Variants in EVC observed in about 807,000 individuals in gnomAD.
EVC encodes the protein EvC ciliary complex subunit 1, also known as evC complex member EVC.
In EVC, 116 loss-of-function variants were observed where a neutral mutation model predicts 118.9. The ratio of observed to expected loss-of-function variants is 0.98; its 90% CI spans 0.84 to 1.14. The LOEUF is 1.14. Ranked by LOEUF, EVC falls within the 50% of genes most tolerant of loss-of-function variation. The probability of loss-of-function intolerance (pLI) is 0.00; values close to 1 mark genes in which losing one functional copy is unlikely to be tolerated. For synonymous variants in EVC, 619 were observed against 534.7 expected (o/e 1.16, Z -2.18); for missense variants, 1,401 against 1,246.4 (o/e 1.12, Z -1.87).
chr4:5,786,359 T>C (rs1448400496), intron 12 of EVC, among the ~76,000 whole-genome samples: 1 of 152,214 alleles, frequency 6.6e-6, no homozygotes, highest in Non-Finnish European at 1.5e-5. Context: ...GCAAATAGAC[T>C]ATGCTCAGCT....
chr4:5,771,011 C>CA (rs10699296), intron 11 of EVC, among the ~76,000 whole-genome samples: 6,100 of 143,664 alleles, frequency 0.042, 389 homozygotes, highest in African/African-American at 0.14. Flanking sequence ...GACTTCATTT[C>CA]AAAAAAAAAA....
In EVC at chr4:5,731,547, G is replaced by T. The variant is rs560865556; in HGVS notation, c.507G>T (p.Lys169Asn). 6.2e-7 allele frequency: 1 copy of T among 1,614,108 alleles called. No individual in the cohort carries two copies. The highest frequency in any genetic ancestry group is 1.7e-5 in the Admixed American group (1 of 60,018). ...TGGGGAGCCTGAGCCAGGGTGAGAA[G>T]GACGACTGCAGCTCCTCATCCAGCG... is the stretch of plus-strand genomic sequence containing the variant. ...SSLGSLSQGE[K>N]DDCSSSSSVH... The change falls in exon 4 of 21, where the codon AAG becomes AAT. Residue 169 changes from lysine to asparagine, a missense_variant. Physicochemically the swap from Lys to Asn is moderately conservative, Grantham distance 94. Transcript: ENST00000264956. This position sits in a 1 kb window ranked among gnomAD's most constrained non-coding sequence, Gnocchi z 5.6.
At chr4:5,786,871 CAAAAAA>C (rs375303542) in intron 12 of EVC, among the ~76,000 whole-genome samples, 1 of 95,202 alleles carries the variant, frequency 1.1e-5, no homozygotes, top group African/African-American at 4.4e-5. Flanking sequence ...GACTCCGTCT[CAAAAAA>C]AAAAAAAAAA....
intron 4 of EVC, 49 bp from the exon 5 acceptor site, chr4:5,733,302 C>T: frequency 2.0e-6 from 3 of 1,504,422 alleles, no homozygotes; most frequent in Non-Finnish European, 2.8e-6. Flanking sequence ...TCTTACTCTT[C>T]ATTTCCGATA....
In EVC at chr4:5,808,304, GC is replaced by G. The variant is rs1553895755; in HGVS notation, c.2668del (p.Gln890SerfsTer38). The G allele has an allele frequency of 1.2e-6, 2 of 1,614,208 alleles. No homozygotes were observed. On this transcript the variant is annotated frameshift_variant, in exon 18 of 21. Transcript: ENST00000264956. LOFTEE classifies it high-confidence loss of function. ...QQAGVMDLLE[A>X]QLETQLQEAE... Reference sequence around the variant, plus strand: ...GGCAGGAGTCATGGACCTTCTGGAAGCCCAGCTGGAGACCCAGCTACAGGTA... The same window carrying G: ...GGCAGGAGTCATGGACCTTCTGGAAGCCAGCTGGAGACCCAGCTACAGGTA...
At chr4:5,757,150 CTG>C (rs1456066327) in intron 11 of EVC, among the ~76,000 whole-genome samples, 1 of 152,198 alleles carries the variant, frequency 6.6e-6, no homozygotes, top group Non-Finnish European at 1.5e-5. Context: ...GCTAGGAGGA[CTG>C]TGTTTGGGGA....
chr4:5,731,255 T>A lies in EVC; in HGVS notation c.385-170T>A, dbSNP rs28718969. On this transcript the variant is annotated intron_variant, in intron 3 of 20. Coordinates refer to ENST00000264956, the MANE Select transcript of EVC (RefSeq NM_153717.3). The surrounding 1 kb of genome is among the most constrained non-coding windows in gnomAD (Gnocchi z 5.6). The stretch of plus-strand genomic sequence containing the variant: ...GATTCGGGCCTCTGGGCTGTCGATG[T>A]GGCAGAACCTGGGACGGAAACTCTG... Among the ~76,000 whole-genome samples the A allele has an allele frequency of 0.055, 8,302 of 152,020 alleles. 251 individuals are homozygous for A. The highest frequency in any genetic ancestry group is 0.11 in the East Asian group (585 of 5,160).
rs112090501 is a variant in EVC, at chr4:5,738,841, C to G, written c.703-2875C>G. ...TCCGCCTCCCAAAGTGCTGGGATTA[C>G]GGGTGTGAGCCACCGCACCCAGCCC... On this transcript the variant is annotated intron_variant, in intron 5 of 20. Coordinates refer to ENST00000264956, the MANE Select transcript of EVC (RefSeq NM_153717.3). The surrounding 1 kb of genome is among the most constrained non-coding windows in gnomAD (Gnocchi z 6.5). 3.9e-5 allele frequency among the ~76,000 whole-genome samples: 6 copies of G among 151,944 alleles called. No individual in the cohort carries two copies. The highest frequency in any genetic ancestry group is 8.8e-5 in the Non-Finnish European group (6 of 67,984).
At chr4:5,720,074 C>A (rs1383179) in intron 2 of EVC, among the ~76,000 whole-genome samples, 30,889 of 152,122 alleles carry the variant, frequency 0.2, 4,146 homozygotes, top group African/African-American at 0.38. Flanking sequence ...TGGAACCCTT[C>A]CTCTATCCAC....
chr4:5,808,537 C>T lies in EVC; in HGVS notation c.2688+210C>T, dbSNP rs569425146. ...AGGGCAAGTGTGGCCTGTGTGGATC[C>T]CTACAGCAGCTGCAGCATGCTAAGC... On this transcript the variant is annotated intron_variant, in intron 18 of 20. Transcript: ENST00000264956. 2.2e-4 allele frequency among the ~76,000 whole-genome samples: 33 copies of T among 152,128 alleles called. No individual in the cohort carries two copies. The East Asian group carries it at 6.0e-3, about 28-fold the overall frequency.
At chr4:5,773,098 G>A (rs1016416926) in intron 11 of EVC, among the ~76,000 whole-genome samples, 1 of 152,194 alleles carries the variant, frequency 6.6e-6, no homozygotes, top group Non-Finnish European at 1.5e-5. Flanking sequence ...CTGGCACAGG[G>A]CCTTGCCTGC....
chr4:5,769,466 T>C (rs991538601), intron 11 of EVC, among the ~76,000 whole-genome samples: 2 of 134,234 alleles, frequency 1.5e-5, no homozygotes, highest in South Asian at 2.2e-4. Context: ...AAAGTGCATT[T>C]TTCTGAATCC....
At chr4:5,788,385 A>G (rs1242099277) in intron 12 of EVC, among the ~76,000 whole-genome samples, 1 of 152,166 alleles carries the variant, frequency 6.6e-6, no homozygotes, top group Non-Finnish European at 1.5e-5. Flanking sequence ...CTCAGGTTTC[A>G]GTTCCTCAAG....
chr4:5,822,893 G>A, the EVC span, among the ~76,000 whole-genome samples: 2 of 152,124 alleles, frequency 1.3e-5, no homozygotes, highest in African/African-American at 4.8e-5. Context: ...AGCCCTCTTC[G>A]GCACACAGCA....
the EVC span, chr4:5,824,477 C>A: frequency 2.0e-6 from 2 of 985,186 alleles, no homozygotes; most frequent in Non-Finnish European, 1.2e-6. Flanking sequence ...TGAATTCACA[C>A]GTCATCCTCT....
chr4:5,733,553 C>G (rs183027162), intron 5 of EVC, 118 bp downstream of exon 5: 247 of 918,554 alleles, frequency 2.7e-4, no homozygotes, highest in Middle Eastern at 1.8e-3. Context: ...GAAACAGAGC[C>G]GCTGTGAGGT....
At chr4:5,769,542 G>C (rs191385849) in intron 11 of EVC, among the ~76,000 whole-genome samples, 1 of 152,146 alleles carries the variant, frequency 6.6e-6, no homozygotes, top group Non-Finnish European at 1.5e-5. Context: ...GTGCGATCGC[G>C]TGAGCTCTGT....
chr4:5,784,502 C>T (rs1374236405), intron 12 of EVC, among the ~76,000 whole-genome samples: 1 of 152,096 alleles, frequency 6.6e-6, no homozygotes, highest in African/African-American at 2.4e-5. Context: ...CCCATTTCAG[C>T]CTTCTGGCCT....
rs1729389715 is a variant in EVC at position 5,746,613 on chromosome 4, G to T, written c.939+1272G>T. ...GCCAGGATGCTAAGGAAGAGGGCCAGCCTGGATTCCGGTGGTCCACAGAAC... is the reference window on the plus strand; with the variant it reads ...GCCAGGATGCTAAGGAAGAGGGCCATCCTGGATTCCGGTGGTCCACAGAAC... On this transcript the variant is annotated intron_variant, in intron 7 of 20. Coordinates refer to ENST00000264956, the MANE Select transcript of EVC (RefSeq NM_153717.3). This position sits in a 1 kb window ranked among gnomAD's most constrained non-coding sequence, Gnocchi z 5.8. Among the ~76,000 whole-genome samples the T allele has an allele frequency of 6.6e-6, 1 of 152,164 alleles. No homozygotes were observed. The highest frequency in any genetic ancestry group is 2.4e-5 in the African/African-American group (1 of 41,440).
Sources: gnomAD v4.1 joint callset for allele counts (sites outside exome capture counted in the v4.1 genomes callset) on GRCh38, gnomAD v4.1.1 for gene constraint, Gnocchi (gnomAD v3.1) non-coding constraint, MANE v1.5 for transcripts, NCBI Gene and HGNC (gene_info 2026-07-23, HGNC 2026-07-21) for gene names.